Variants in DOCK3 observed in about 807,000 individuals in gnomAD.
DOCK3 encodes the protein dedicator of cytokinesis 3, also known as dedicator of cytokinesis protein 3.
In DOCK3, 60 loss-of-function variants were observed where a neutral mutation model predicts 265.6. The observed-to-expected ratio is 0.23, with a 90% CI of 0.18 to 0.28. DOCK3 has a LOEUF of 0.28. DOCK3 is among the 10% of genes least tolerant of loss of function. DOCK3 has a pLI of 1.00. For missense variants in DOCK3, 1,981 were observed against 2,594.3 expected, an observed-to-expected ratio of 0.76 and a Z score of 5.14; for synonymous variants, 881 against 938.0, an observed-to-expected ratio of 0.94 and a Z score of 1.11.
In DOCK3 at chr3:51,374,293, C is replaced by G; in HGVS notation, c.5294-176C>G. The stretch of plus-strand genomic sequence containing the variant: ...CCTTGGCTGGGACATGAGGTGCAGC[C>G]ACTGCCACCATCTAACAACCAGACT... On this transcript the variant is annotated intron_variant, in intron 49 of 52. Coordinates refer to ENST00000266037, the MANE Select transcript of DOCK3 (RefSeq NM_004947.5). This position sits in a 1 kb window ranked among gnomAD's most constrained non-coding sequence, Gnocchi z 4.8. 6.6e-6 allele frequency among the ~76,000 whole-genome samples: 1 copy of G among 152,182 alleles called. No homozygotes were observed. Among genetic ancestry groups the G allele is most frequent in the East Asian group, 1.9e-4 (1 of 5,182 alleles).
At chr3:51,151,498 T>C (rs2085593767) in intron 10 of DOCK3, among the ~76,000 whole-genome samples, 1 of 152,174 alleles carries the variant, frequency 6.6e-6, no homozygotes, top group Non-Finnish European at 1.5e-5. Context: ...GACAGATCAA[T>C]GAGACAGAAG....
Position 51,067,427 on chromosome 3 carries a change from T to TTGTGTGTGTGTGTGTG in DOCK3, c.464+2846_464+2861dup, listed in dbSNP as rs60551624. Among the ~76,000 whole-genome samples, 1,014 of 144,180 alleles carry TTGTGTGTGTGTGTGTG rather than the reference T, an allele frequency of 7.0e-3. 13 individuals are homozygous for TTGTGTGTGTGTGTGTG. Among genetic ancestry groups the TTGTGTGTGTGTGTGTG allele is most frequent in the East Asian group, 0.026 (126 of 4,862 alleles). The allele number at this position is 144,180 out of a possible 152,430, so 94.6% of individuals were successfully genotyped here. ...ATGACTTTTTCTCAATGAAATATGTTTGTGTGTGTGTGTGTGTGTGTGTGT... is the reference window on the plus strand; with the variant it reads ...ATGACTTTTTCTCAATGAAATATGTTTGTGTGTGTGTGTGTGTGTGTGTGTGTGTGTGTGTGTGTGT... On this transcript the variant is annotated intron_variant, in intron 6 of 52. Coordinates refer to ENST00000266037, the MANE Select transcript of DOCK3 (RefSeq NM_004947.5).
At chr3:51,322,990 G>T (rs1265639495) in intron 32 of DOCK3, among the ~76,000 whole-genome samples, 2 of 151,318 alleles carry the variant, frequency 1.3e-5, no homozygotes, top group African/African-American at 4.9e-5. Context: ...AAAAGCAGGG[G>T]TTGCAATCCT....
intron 27 of DOCK3, among the ~76,000 whole-genome samples, chr3:51,307,205 G>A (rs1036429872): frequency 6.6e-6 from 1 of 152,026 alleles, no homozygotes; most frequent in East Asian, 1.9e-4. Context: ...CTACAACCTT[G>A]CCTGGACTCA....
chr3:50,917,472 T>C (rs936368678), intron 4 of DOCK3, among the ~76,000 whole-genome samples: 2 of 152,202 alleles, frequency 1.3e-5, no homozygotes, highest in South Asian at 4.1e-4. Context: ...TCCATATTAT[T>C]TTTTAGATTT....
chr3:51,193,375 T>TTCG, intron 12 of DOCK3, among the ~76,000 whole-genome samples: 1 of 152,074 alleles, frequency 6.6e-6, no homozygotes, highest in South Asian at 2.1e-4. Flanking sequence ...ACATATAGTT[T>TTCG]TCGTTGTTGT....
intron 5 of DOCK3, among the ~76,000 whole-genome samples, chr3:50,935,901 A>G (rs2051333348): frequency 6.6e-6 from 1 of 152,234 alleles, no homozygotes; most frequent in Non-Finnish European, 1.5e-5. Context: ...TCATAGTATA[A>G]TAATGTTCAG....
At chr3:50,679,347 A>G (rs1156657194) in intron 1 of DOCK3, among the ~76,000 whole-genome samples, 1 of 151,672 alleles carries the variant, frequency 6.6e-6, no homozygotes, top group South Asian at 2.1e-4. Context: ...AACATGAAAA[A>G]TTTTTCTCAT....
intron 5 of DOCK3, among the ~76,000 whole-genome samples, chr3:51,036,875 A>C (rs2080292241): frequency 6.6e-6 from 1 of 152,056 alleles, no homozygotes; most frequent in East Asian, 1.9e-4. Context: ...GGTTTTAAAA[A>C]CGGGAGTTTC....
chr3:51,273,421 GT>G (rs1333311102), intron 24 of DOCK3, among the ~76,000 whole-genome samples: 1 of 152,140 alleles, frequency 6.6e-6, no homozygotes, highest in Non-Finnish European at 1.5e-5. Flanking sequence ...GAAGCAAAAG[GT>G]TCTTTACCAG....
Position 51,374,712 on chromosome 3 carries a change from A to C in DOCK3, c.5412+125A>C, listed in dbSNP as rs2087958230. 3 of 927,678 alleles carry C rather than the reference A, an allele frequency of 3.2e-6. No homozygotes were observed. The highest frequency in any genetic ancestry group is 5.4e-5 in the East Asian group (2 of 36,964). 57.5% of individuals were successfully genotyped at this position (927,678 alleles called of 1,614,324 possible). On this transcript the variant is annotated intron_variant, in intron 50 of 52. Transcript: ENST00000266037. This position sits in a 1 kb window ranked among gnomAD's most constrained non-coding sequence, Gnocchi z 4.8. The stretch of plus-strand genomic sequence containing the variant: ...CTCTCATTCCGCTGTAAGATCCCGC[A>C]AAAGGCCGCTGGGCTTCTGGATGTG...
rs1446429261 is a variant in DOCK3, at chr3:50,755,996, A to G, written c.38-22679A>G. Among the ~76,000 whole-genome samples the G allele has an allele frequency of 2.6e-5, 4 of 152,218 alleles. No individual in the cohort carries two copies. In the East Asian group the frequency reaches 7.7e-4, roughly 29 times the overall value. On this transcript the variant is annotated intron_variant, in intron 1 of 52. Transcript: ENST00000266037. The stretch of plus-strand genomic sequence containing the variant: ...TTTTAGAGCACAAGTGAAAGGAAGC[A>G]CAGTATACTTGGAAGAGGGCCAAGT...
At chr3:50,823,689 C>G (rs1024917964) in intron 2 of DOCK3, among the ~76,000 whole-genome samples, 1 of 152,218 alleles carries the variant, frequency 6.6e-6, no homozygotes, top group African/African-American at 2.4e-5. Context: ...GGTACACCTC[C>G]CAGACGGGGT....
At chr3:51,204,996 T>C (rs1220951761) in intron 12 of DOCK3, among the ~76,000 whole-genome samples, 2 of 146,256 alleles carry the variant, frequency 1.4e-5, no homozygotes, top group Non-Finnish European at 3.0e-5. Context: ...ACGGGGAACA[T>C]CACACTCTGG....
intron 27 of DOCK3, among the ~76,000 whole-genome samples, chr3:51,293,450 T>A (rs1274321484): frequency 6.6e-6 from 1 of 152,132 alleles, no homozygotes; most frequent in African/African-American, 2.4e-5. Flanking sequence ...AGTAGACCTT[T>A]ATCTCACCCC....
intron 1 of DOCK3, among the ~76,000 whole-genome samples, chr3:50,763,584 C>T (rs2040667384): frequency 6.6e-6 from 1 of 152,074 alleles, no homozygotes; most frequent in Admixed American, 6.6e-5. Flanking sequence ...CACCTGGCCT[C>T]TATTTCTTCT....
At chr3:50,859,317 G>A (rs1165952641) in intron 3 of DOCK3, among the ~76,000 whole-genome samples, 1 of 147,124 alleles carries the variant, frequency 6.8e-6, no homozygotes, top group Non-Finnish European at 1.5e-5. Flanking sequence ...CCAGGTTTAA[G>A]CGATTCTCTC....
chr3:50,927,151 G>T (rs2050797195), intron 4 of DOCK3, among the ~76,000 whole-genome samples: 1 of 152,130 alleles, frequency 6.6e-6, no homozygotes, highest in African/African-American at 2.4e-5. Flanking sequence ...CTTGGGATTA[G>T]CTTTGTCACT....
chr3:51,237,293 G>A (rs1308135762), intron 20 of DOCK3, among the ~76,000 whole-genome samples, 197 bp from the exon 21 acceptor site: 1 of 152,176 alleles, frequency 6.6e-6, no homozygotes, highest in Admixed American at 6.5e-5. Flanking sequence ...TCTGAATTAG[G>A]AGGCTGGGGT....
Sources: gnomAD v4.1 joint callset for allele counts (sites outside exome capture counted in the v4.1 genomes callset) on GRCh38, gnomAD v4.1.1 for gene constraint, Gnocchi (gnomAD v3.1) non-coding constraint, MANE v1.5 for transcripts, NCBI Gene and HGNC (gene_info 2026-07-23, HGNC 2026-07-21) for gene names.